MYT1L: variants seen among roughly 807,000 people sequenced by gnomAD.
MYT1L encodes myelin transcription factor 1 like, also known as myelin transcription factor 1-like protein.
A neutral mutation model predicts 126.7 loss-of-function variants in MYT1L; 12 were observed. The ratio of observed to expected loss-of-function variants is 0.09; its 90% CI spans 0.06 to 0.15. MYT1L has a LOEUF of 0.15. Among genes scored for constraint, MYT1L ranks in the 10% least tolerant of loss-of-function variants. MYT1L has a pLI of 1.00. For missense variants in MYT1L, 979 were observed against 1,585.2 expected (o/e 0.62, Z 6.49); for synonymous variants, 541 against 604.2 (o/e 0.90, Z 1.53).
chr2:2,009,604 A>G (rs2063627644), intron 4 of MYT1L, among the ~76,000 whole-genome samples: 1 of 152,134 alleles, frequency 6.6e-6, no homozygotes, highest in Non-Finnish European at 1.5e-5. Flanking sequence ...TTTTGTGTGT[A>G]ATCTTTGGGG....
At chr2:2,088,541 G>A (rs987176444) in intron 3 of MYT1L, among the ~76,000 whole-genome samples, 1 of 152,106 alleles carries the variant, frequency 6.6e-6, no homozygotes, top group Non-Finnish European at 1.5e-5. Flanking sequence ...GGCACTGGTG[G>A]TGGATGAGGC....
chr2:2,122,837 A>ATGTGTGTGTG (rs200951880), intron 3 of MYT1L, among the ~76,000 whole-genome samples: 169 of 135,580 alleles, frequency 1.2e-3, no homozygotes, highest in Non-Finnish European at 1.8e-3. Flanking sequence ...GAGGATAGGA[A>ATGTGTGTGTG]TGTGTGTGTG....
chr2:1,873,706 T>A (rs911398838), intron 18 of MYT1L, among the ~76,000 whole-genome samples: 1 of 152,186 alleles, frequency 6.6e-6, no homozygotes, highest in Admixed American at 6.5e-5. Context: ...CTCAGAGAGC[T>A]CTGACCCTCA....
At chr2:1,903,914 T>C (rs867140419) in intron 13 of MYT1L, among the ~76,000 whole-genome samples, 3 of 152,126 alleles carry the variant, frequency 2.0e-5, no homozygotes, top group African/African-American at 7.2e-5. Context: ...TGCTCACTCA[T>C]AGACACCATG....
At chr2:1,901,321 C>T (rs946587684) in intron 14 of MYT1L, among the ~76,000 whole-genome samples, 13 of 152,128 alleles carry the variant, frequency 8.5e-5, no homozygotes, top group African/African-American at 3.1e-4. Flanking sequence ...TGGATCAAAT[C>T]CCGGTAGAAC....
intron 1 of MYT1L, among the ~76,000 whole-genome samples, chr2:2,309,507 A>G (rs1267588178): frequency 6.6e-6 from 1 of 151,818 alleles, no homozygotes; most frequent in Non-Finnish European, 1.5e-5. Flanking sequence ...ACACTTTAGT[A>G]CACTCTACTC....
chr2:2,000,062 C>T (rs1176912701), intron 4 of MYT1L, among the ~76,000 whole-genome samples: 3 of 152,162 alleles, frequency 2.0e-5, no homozygotes, highest in South Asian at 2.1e-4. Context: ...GCCTGAAATC[C>T]GTCCACGTTA....
chr2:1,910,525 C>T lies in MYT1L; in HGVS notation c.1710-178G>A, dbSNP rs1573486497. The stretch of plus-strand genomic sequence containing the variant: ...GGGAGAGGGGGAGGTAGTCATGTTT[C>T]CAGGTGCATGCTTTCTGCTGGTCTC... On this transcript the variant is annotated intron_variant, in intron 12 of 24. Coordinates refer to ENST00000647738, the MANE Select transcript of MYT1L (RefSeq NM_001303052.2). This position sits in a 1 kb window ranked among gnomAD's most constrained non-coding sequence, Gnocchi z 4.8. Among the ~76,000 whole-genome samples the T allele has an allele frequency of 6.6e-6, 1 of 152,076 alleles. No individual in the cohort carries two copies. Among genetic ancestry groups the T allele is most frequent in the African/African-American group, 2.4e-5 (1 of 41,412 alleles).
At chr2:2,090,762 C>A (rs1326739744) in intron 3 of MYT1L, among the ~76,000 whole-genome samples, 1 of 152,156 alleles carries the variant, frequency 6.6e-6, no homozygotes, top group African/African-American at 2.4e-5. Flanking sequence ...CCTCTCAAAC[C>A]CTGCTGCTGC....
intron 14 of MYT1L, among the ~76,000 whole-genome samples, chr2:1,898,542 G>T (rs1573364665): frequency 6.6e-6 from 1 of 152,342 alleles, no homozygotes; most frequent in East Asian, 1.9e-4. Context: ...TGCCTGGCCT[G>T]CCCTGGCCCT....
chr2:2,060,364 G>T (rs539282619), intron 3 of MYT1L, among the ~76,000 whole-genome samples: 1 of 152,224 alleles, frequency 6.6e-6, no homozygotes, highest in African/African-American at 2.4e-5. Context: ...ATATGAAAAA[G>T]ATTTTTACTT....
chr2:2,267,992 T>A (rs1240783696), intron 2 of MYT1L, among the ~76,000 whole-genome samples: 1 of 152,208 alleles, frequency 6.6e-6, no homozygotes, highest in African/African-American at 2.4e-5. Context: ...CATTGAAGAT[T>A]TACTCTTCTA....
chr2:2,188,638 G>A (rs368953160), intron 2 of MYT1L, among the ~76,000 whole-genome samples: 16 of 152,142 alleles, frequency 1.1e-4, no homozygotes, highest in African/African-American at 3.1e-4. Context: ...GAAATCCAAT[G>A]TTCTGTGTAT....
intron 3 of MYT1L, among the ~76,000 whole-genome samples, chr2:2,083,628 CA>C (rs113466147): frequency 3.3e-5 from 5 of 152,304 alleles, no homozygotes; most frequent in African/African-American, 9.6e-5. Context: ...AGACCAGCAA[CA>C]AGGAAGAGGA....
chr2:1,880,775 A>T (rs1439402739), intron 18 of MYT1L, among the ~76,000 whole-genome samples: 2 of 152,200 alleles, frequency 1.3e-5, no homozygotes, highest in African/African-American at 2.4e-5. Flanking sequence ...TCTTTTGCAC[A>T]AAGAACCTCT....
At chr2:1,956,433 T>C (rs867707747) in intron 8 of MYT1L, among the ~76,000 whole-genome samples, 2,150 of 140,252 alleles carry the variant, frequency 0.015, 440 homozygotes, top group African/African-American at 0.056. Context: ...TATCTATCTA[T>C]CTATCTACCT....
At chr2:2,239,983 C>T (rs1449686787) in intron 2 of MYT1L, among the ~76,000 whole-genome samples, 3 of 152,112 alleles carry the variant, frequency 2.0e-5, no homozygotes, top group Non-Finnish European at 4.4e-5. Flanking sequence ...TCTATTTCTC[C>T]TTGTCTCTTA....
chr2:1,932,400 C>A (rs955507399), intron 9 of MYT1L, among the ~76,000 whole-genome samples: 4 of 152,134 alleles, frequency 2.6e-5, no homozygotes, highest in African/African-American at 4.8e-5. Flanking sequence ...TTTGCACAAC[C>A]AAGCTCTGCT....
At chr2:1,792,600 T>C in intron 23 of MYT1L, 136 bp from the exon 24 acceptor site, 1 of 959,138 alleles carries the variant, frequency 1.0e-6, no homozygotes. Flanking sequence ...CCGGGCGCCG[T>C]GGCTCACGCC....
Sources: allele counts gnomAD v4.1 joint callset (sites outside exome capture counted in the v4.1 genomes callset), GRCh38; gene constraint gnomAD v4.1.1; non-coding constraint Gnocchi (gnomAD v3.1); transcripts MANE v1.5; gene names NCBI Gene and HGNC (gene_info 2026-07-23, HGNC 2026-07-21).